Variants in SURF4 observed in about 807,000 individuals in gnomAD.
The protein encoded by SURF4 is surfeit locus protein 4.
A neutral mutation model predicts 30.0 loss-of-function variants in SURF4; 3 were observed. The ratio of observed to expected loss-of-function variants is 0.10; its 90% confidence interval spans 0.05 to 0.26. SURF4 has a LOEUF of 0.26. Among genes scored for constraint, SURF4 ranks in the 10% least tolerant of loss-of-function variants. SURF4 has a pLI of 1.00. For missense variants in SURF4, 217 were observed against 350.8 expected, an observed-to-expected ratio of 0.62 and a Z score of 3.05; for synonymous variants, 143 against 139.9, an observed-to-expected ratio of 1.02 and a Z score of -0.16.
chr9:133,364,519 T>C (rs1311610485), intron 5 of SURF4, among the ~76,000 whole-genome samples: 2 of 151,992 alleles, frequency 1.3e-5, no homozygotes, highest in Non-Finnish European at 2.9e-5. Context: ...GGTGAAACCC[T>C]GTCTCTACTA....
chr9:133,377,562 C>T (rs1239669457), upstream of SURF4, among the ~76,000 whole-genome samples: 3 of 152,144 alleles, frequency 2.0e-5, no homozygotes, highest in Non-Finnish European at 4.4e-5. Flanking sequence ...ACTCGGGAGG[C>T]TGAGGCTGGA....
Position 133,363,774 on chromosome 9 carries a change from A to T in SURF4, c.544-15T>A, listed in dbSNP as rs1262511003. 19 of 1,613,468 alleles carry T rather than the reference A, an allele frequency of 1.2e-5. No homozygotes were observed. Among genetic ancestry groups the T allele is most frequent in the Non-Finnish European group, 1.6e-5 (19 of 1,179,530 alleles). On this transcript the variant is annotated splice_polypyrimidine_tract_variant and intron_variant, in intron 5 of 5. Transcript: ENST00000371989. This position sits in a 1 kb window ranked among gnomAD's most constrained non-coding sequence, Gnocchi z 4.3. ...TTCTGGACAATCTGCATAGGTTGAA[A>T]CGTAAGAAATTCAAAATAAATGTGA...
Position 133,368,689 on chromosome 9 carries a change from C to T in SURF4, c.49-1244G>A, listed in dbSNP as rs114756962. 8.4e-3 allele frequency among the ~76,000 whole-genome samples: 1,272 copies of T among 152,332 alleles called. 22 individuals carry two copies. The highest frequency in any genetic ancestry group is 0.029 in the African/African-American group (1,202 of 41,572). On this transcript the variant is annotated intron_variant, in intron 1 of 5. Transcript: ENST00000371989. ...GTGCTGTGAGTCAGGTCATTTATGA[C>T]GGCTGGGTTAGGTAGCCAACATGCA... is the stretch of plus-strand genomic sequence containing the variant.
chr9:133,373,381 G>T (rs1023059903), intron 1 of SURF4, among the ~76,000 whole-genome samples: 3 of 152,164 alleles, frequency 2.0e-5, no homozygotes, highest in South Asian at 4.1e-4. Context: ...GATCACCTAA[G>T]GTCAGGTGTT....
At chr9:133,377,670 A>G (rs1200485224), upstream of SURF4, among the ~76,000 whole-genome samples, 1 of 130,318 alleles carries the variant, frequency 7.7e-6, no homozygotes, top group Non-Finnish European at 1.6e-5. Context: ...TCTCAGAAAG[A>G]AAAAAAAAAA....
At chr9:133,367,652 A>T in intron 1 of SURF4, 1 of 1,373,090 alleles carries the variant, frequency 7.3e-7, no homozygotes, top group Non-Finnish European at 9.7e-7. Context: ...CACATGCAAC[A>T]ATCCAAGGAT....
chr9:133,363,575 A>G lies in SURF4; in HGVS notation c.728T>C (p.Met243Thr). 2 of 1,614,166 alleles carry G rather than the reference A, an allele frequency of 1.2e-6. No homozygotes were observed. The highest frequency in any genetic ancestry group is 1.6e-4 in the Middle Eastern group (1 of 6,062). Residue 243 changes from methionine (M) to threonine (T), a missense_variant, in exon 6 of 6, where the codon ATG (methionine) becomes ACG (threonine). Met to Thr is a moderately conservative substitution (Grantham distance 81). Coordinates refer to ENST00000371989, the MANE Select transcript of SURF4 (RefSeq NM_033161.4). This position sits in a 1 kb window ranked among gnomAD's most constrained non-coding sequence, Gnocchi z 4.3. Reference protein sequence around the residue: ...DFLKYDFFQTMSVIGGLLLVV... With the variant: ...DFLKYDFFQTTSVIGGLLLVV... ...CAGGAGCAAGCCCCCAATCACCGAC[A>G]TGGTCTGGAAGAAGTCGTATTTCAG...
rs1476115933 is a variant in SURF4, at chr9:133,362,708, C to T, written c.*785G>A. On this transcript the variant is annotated 3_prime_UTR_variant, in exon 6 of 6. Transcript: ENST00000371989. ...TGCAGGGTGCTGCTGCTGGGGCTAC[C>T]CCTGTGTGGTCTCACTAGCCCTTCC... The T allele has an allele frequency of 6.5e-6, 1 of 153,302 alleles. No individual in the cohort carries two copies. The allele number at this position is 153,302 out of a possible 1,614,324, so 9.5% of individuals were successfully genotyped here. A position where few individuals can be genotyped will look rare whatever the true frequency, so the allele number is the denominator to read the frequency against.
chr9:133,366,414 G>A (rs1394369171), intron 3 of SURF4, among the ~76,000 whole-genome samples, 185 bp downstream of exon 3: 1 of 152,144 alleles, frequency 6.6e-6, no homozygotes, highest in African/African-American at 2.4e-5. Flanking sequence ...GCCCAGTACC[G>A]AATGACCTGC....
rs2130136425 is a variant in SURF4, at chr9:133,367,177, G to A, written c.235+82C>T. On this transcript the variant is annotated intron_variant, in intron 2 of 5. Coordinates refer to ENST00000371989, the MANE Select transcript of SURF4 (RefSeq NM_033161.4). Reference sequence around the variant, plus strand: ...GGGGACAGCAGTCCAGGAGACCCCCGAGTTCACACACAGCCTCCCAACTGC... The same window carrying A: ...GGGGACAGCAGTCCAGGAGACCCCCAAGTTCACACACAGCCTCCCAACTGC... The A allele has an allele frequency of 1.4e-5, 21 of 1,519,712 alleles. No homozygotes were observed. The South Asian group carries it at 2.3e-4, about 17-fold the overall frequency. 94.1% of individuals were successfully genotyped at this position (1,519,712 alleles called of 1,614,324 possible).
chr9:133,365,891 A>G (rs1339282671), intron 4 of SURF4, 94 bp downstream of exon 4: 2 of 1,350,666 alleles, frequency 1.5e-6, no homozygotes, highest in African/African-American at 1.4e-5. Context: ...TTGGTGCCCA[A>G]GATTTTTCCC....
intron 1 of SURF4, among the ~76,000 whole-genome samples, chr9:133,373,931 AAAAAG>A (rs1197572493): frequency 1.3e-5 from 2 of 148,522 alleles, no homozygotes; most frequent in Admixed American, 6.7e-5. Flanking sequence ...AAAAAAAAAA[AAAAAG>A]AAGAAGAAAA....
At chr9:133,364,765 G>A in intron 5 of SURF4, 75 bp downstream of exon 5, 3 of 1,477,498 alleles carry the variant, frequency 2.0e-6, no homozygotes, top group Admixed American at 1.8e-5. Flanking sequence ...CCAGGGAGGG[G>A]TGAGCAGGGA....
At position 133,366,042 on chromosome 9, in the gene SURF4, A is replaced by T; in HGVS notation, c.313-14T>A. 1 of 1,613,660 alleles carries T rather than the reference A, an allele frequency of 6.2e-7. No individual in the cohort carries two copies. The highest frequency in any genetic ancestry group is 8.5e-7 in the Non-Finnish European group (1 of 1,179,646). Reference sequence around the variant, plus strand: ...GTAGGCAATCGTCTGAGGGGAAAGAAGAGAGAGATACTTGAGTCTCAGCCT... The same window carrying T: ...GTAGGCAATCGTCTGAGGGGAAAGATGAGAGAGATACTTGAGTCTCAGCCT... On this transcript the variant is annotated splice_polypyrimidine_tract_variant and intron_variant, in intron 3 of 5. Coordinates refer to ENST00000371989, the MANE Select transcript of SURF4 (RefSeq NM_033161.4).
At chr9:133,376,980 G>A (rs192691523), upstream of SURF4, among the ~76,000 whole-genome samples, 34 of 152,282 alleles carry the variant, frequency 2.2e-4, no homozygotes, top group Admixed American at 4.6e-4. Context: ...AACACAAAAG[G>A]AAAGCTGCAA....
At position 133,363,171 on chromosome 9, in the gene SURF4, G is replaced by A. The variant is rs1836927974; in HGVS notation, c.*322C>T. The stretch of plus-strand genomic sequence containing the variant: ...CAGTACAGCTTGAAGGCCCCCTCCT[G>A]TACCCCCACAAAAAAACTCAAAAAT... On this transcript the variant is annotated 3_prime_UTR_variant, in exon 6 of 6. Coordinates refer to ENST00000371989, the MANE Select transcript of SURF4 (RefSeq NM_033161.4). This position sits in a 1 kb window ranked among gnomAD's most constrained non-coding sequence, Gnocchi z 4.3. The A allele has an allele frequency of 3.4e-6, 2 of 581,268 alleles. No individual in the cohort carries two copies. Among genetic ancestry groups the A allele is most frequent in the Non-Finnish European group, 3.1e-6 (1 of 325,064 alleles). The allele number at this position is 581,268 out of a possible 1,614,324, so 36.0% of individuals were successfully genotyped here. A position where few individuals can be genotyped will look rare whatever the true frequency, so the allele number is the denominator to read the frequency against.
rs2130138815 is a variant in SURF4, at chr9:133,367,293, C to T, written c.201G>A (p.Ser67=). 2.6e-5 allele frequency: 42 copies of T among 1,614,090 alleles called. No individual in the cohort carries two copies. The Admixed American group carries it at 2.8e-4, about 11-fold the overall frequency. ...TTWNCGYLLA[S]SFVFLNLLGQ... is the part of the protein sequence containing the mutation. ...CCAGCAAGTTGAGGAAGACGAAGGA[C>T]GAGGCCAGCAGGTAGCCGCAGTTCC... Residue 67 remains serine (S), a synonymous_variant, in exon 2 of 6, where the codon TCG becomes TCA. Transcript: ENST00000371989.
chr9:133,376,500 G>T, upstream of SURF4: 1 of 1,597,276 alleles, frequency 6.3e-7, no homozygotes, highest in East Asian at 2.3e-5. Flanking sequence ...CCAATCGCAG[G>T]CGCCCCACGC....
In SURF4 at chr9:133,369,497, G is replaced by A. The variant is rs371085664; in HGVS notation, c.49-2052C>T. Among the ~76,000 whole-genome samples, 5 of 152,302 alleles carry A rather than the reference G, an allele frequency of 3.3e-5. No individual in the cohort carries two copies. The South Asian group carries it at 1.0e-3, about 32-fold the overall frequency. On this transcript the variant is annotated intron_variant, in intron 1 of 5. Transcript: ENST00000371989. ...AAGATGCTTTCCAACTTTACTAGGAGGAAGACCTTGTTTCACTTTTTATTT... is the reference window on the plus strand; with the variant it reads ...AAGATGCTTTCCAACTTTACTAGGAAGAAGACCTTGTTTCACTTTTTATTT...
Sources: gnomAD v4.1 joint callset for allele counts (sites outside exome capture counted in the v4.1 genomes callset) on GRCh38, gnomAD v4.1.1 for gene constraint, Gnocchi (gnomAD v3.1) non-coding constraint, MANE v1.5 for transcripts, NCBI Gene and HGNC (gene_info 2026-07-23, HGNC 2026-07-21) for gene names.